CENPI: variants seen among roughly 807,000 people sequenced by gnomAD.
CENPI encodes FSH primary response 1.
Under a neutral mutation model 60.4 loss-of-function variants are expected in CENPI, and 4 were observed. The ratio of observed to expected loss-of-function variants is 0.07; its 90% confidence interval spans 0.03 to 0.15. CENPI has a LOEUF of 0.15. Ranked by LOEUF, CENPI falls within the 10% of genes least tolerant of loss-of-function variation. The pLI, the probability that CENPI is intolerant of heterozygous loss-of-function variation, is 1.00. For synonymous variants in CENPI, 157 were observed against 189.4 expected (o/e 0.83, Z 1.40); for missense variants, 444 against 534.5 (o/e 0.83, Z 1.67).
downstream of CENPI, among the ~76,000 whole-genome samples, chrX:101,169,093 T>TA (rs765023514): frequency 2.7e-4 from 30 of 111,863 alleles, 1 homozygote; most frequent in South Asian, 0.01. Context: ...AATATACACA[T>TA]ACACCATTTC....
chrX:101,173,876 T>A, the CENPI span, among the ~76,000 whole-genome samples: 2 of 110,069 alleles, frequency 1.8e-5, no homozygotes, highest in African/African-American at 6.6e-5. Context: ...ACGTCTAATA[T>A]CCAGAATCTA....
chrX:101,098,858 C>T (rs2089375510), intron 2 of CENPI: 1 of 110,909 alleles, frequency 9.0e-6, no homozygotes, highest in Admixed American at 9.7e-5. Context: ...TATTGCTCCC[C>T]TCTCTAACCT....
chrX:101,160,351 C>A (rs1261799493), intron 20 of CENPI, among the ~76,000 whole-genome samples: 1 of 108,595 alleles, frequency 9.2e-6, no homozygotes, highest in East Asian at 2.9e-4. Context: ...ATAATTGAGA[C>A]CCCAGCACCC....
chrX:101,174,088 AAAAC>A, the CENPI span, among the ~76,000 whole-genome samples: 20 of 112,324 alleles, frequency 1.8e-4, no homozygotes, highest in Admixed American at 1.9e-3. Context: ...AAAAAGTCGA[AAAAC>A]AATAGATGTT....
downstream of CENPI, among the ~76,000 whole-genome samples, chrX:101,169,669 T>C (rs1252824868): frequency 8.9e-6 from 1 of 111,920 alleles, no homozygotes; most frequent in African/African-American, 3.3e-5. Flanking sequence ...CTCAGGCAGG[T>C]CCTTCAGGAG....
chrX:101,128,363 T>A (rs2089758364), intron 11 of CENPI, among the ~76,000 whole-genome samples: 1 of 108,837 alleles, frequency 9.2e-6, no homozygotes, highest in South Asian at 4.1e-4. Flanking sequence ...CCGGGCTTGG[T>A]GGTGCATGCC....
chrX:101,154,995 T>G (rs770631187), intron 20 of CENPI, among the ~76,000 whole-genome samples: 11 of 111,620 alleles, frequency 9.9e-5, no homozygotes, highest in Non-Finnish European at 9.4e-5. Context: ...TATACAAGAT[T>G]ATGTCTTCTG....
intron 16 of CENPI, among the ~76,000 whole-genome samples, chrX:101,144,177 T>C (rs1387562581): frequency 1.0e-5 from 1 of 96,553 alleles, no homozygotes; most frequent in Non-Finnish European, 2.0e-5. Flanking sequence ...AACCTCCACC[T>C]CCTGAAGCAA....
intron 15 of CENPI, among the ~76,000 whole-genome samples, chrX:101,138,918 G>C (rs1467043283): frequency 9.4e-6 from 1 of 106,162 alleles, no homozygotes; most frequent in Admixed American, 1.0e-4. Flanking sequence ...GAGCCACTGT[G>C]CATGGCCAAG....
At chrX:101,139,466 TA>T (rs1053555506) in intron 15 of CENPI, among the ~76,000 whole-genome samples, 4 of 112,034 alleles carry the variant, frequency 3.6e-5, no homozygotes, top group African/African-American at 6.5e-5. Flanking sequence ...AATAAAATAT[TA>T]AAAAAAGATA....
intron 8 of CENPI, among the ~76,000 whole-genome samples, chrX:101,125,978 T>C (rs942915913): frequency 3.6e-5 from 4 of 111,411 alleles, no homozygotes; most frequent in Non-Finnish European, 5.6e-5. Context: ...ATAGATAAAC[T>C]GGGTCATTTT....
At chrX:101,117,773 C>A (rs766009494) in intron 6 of CENPI, among the ~76,000 whole-genome samples, 1 of 111,871 alleles carries the variant, frequency 8.9e-6, no homozygotes, top group African/African-American at 3.2e-5. Context: ...CTATTAAAGT[C>A]GTAAGTTCAA....
intron 11 of CENPI, among the ~76,000 whole-genome samples, chrX:101,128,040 A>G (rs1287739576): frequency 9.0e-6 from 1 of 111,680 alleles, no homozygotes; most frequent in Non-Finnish European, 1.9e-5. Context: ...TCTATTAAAA[A>G]ATACAAAAAT....
rs2090134140 is a variant in CENPI at position 101,164,241 on chromosome X, A to G, written c.*1274A>G. Among the ~76,000 whole-genome samples the G allele has an allele frequency of 9.0e-6, 1 of 111,376 alleles. No individual in the cohort carries two copies. Among genetic ancestry groups the G allele is most frequent in the Non-Finnish European group, 1.9e-5 (1 of 53,154 alleles). ...GTCCATTGACTCATTAATTGATTCA[A>G]TAAATATTTATTGAGCTCCTTTCTC... On this transcript the variant is annotated 3_prime_UTR_variant, in exon 22 of 22. Transcript: ENST00000682095.
In CENPI at chrX:101,145,037, T is replaced by C. The variant is rs774757888; in HGVS notation, c.1566-27T>C. 2.0e-4 allele frequency: 233 copies of C among 1,153,586 alleles called. 1 individual carries two copies. Among genetic ancestry groups the C allele is most frequent in the Non-Finnish European group, 2.6e-4 (219 of 854,213 alleles). On this transcript the variant is annotated intron_variant, in intron 16 of 21. Transcript: ENST00000682095. ...TTGTGAACACTATTGCTACTCTATA[T>C]CTGAATGTTATGGTTTCTTATTGCA... is the stretch of plus-strand genomic sequence containing the variant.
intron 21 of CENPI, among the ~76,000 whole-genome samples, chrX:101,161,992 G>A (rs1057296203): frequency 1.8e-5 from 2 of 109,774 alleles, no homozygotes; most frequent in African/African-American, 6.6e-5. Context: ...CCAGGCTGGA[G>A]TGCGGTGGTG....
In CENPI at chrX:101,146,286, C is replaced by A; in HGVS notation, c.1826+9C>A. ...TGTTTTATTATGCACAGGTACAAAG[C>A]CTTTTTACCATTTTATGAAACAGTG... On this transcript the variant is annotated intron_variant, in intron 18 of 21. Coordinates refer to ENST00000682095, the MANE Select transcript of CENPI (RefSeq NM_001386188.2). 8.4e-7 allele frequency: 1 copy of A among 1,190,822 alleles called. No individual in the cohort carries two copies. The highest frequency in any genetic ancestry group is 1.1e-6 in the Non-Finnish European group (1 of 883,764).
At chrX:101,137,007 G>T (rs1345363633) in intron 15 of CENPI, among the ~76,000 whole-genome samples, 1 of 110,671 alleles carries the variant, frequency 9.0e-6, no homozygotes, top group Non-Finnish European at 1.9e-5. Context: ...TGAACTCCTG[G>T]TCTCAAGGGA....
chrX:101,173,084 C>T, the CENPI span, among the ~76,000 whole-genome samples: 248 of 92,162 alleles, frequency 2.7e-3, no homozygotes, highest in African/African-American at 0.01. Flanking sequence ...GGTGCGATCT[C>T]GGCTCACTGC....
Sources: allele counts gnomAD v4.1 joint callset (sites outside exome capture counted in the v4.1 genomes callset), GRCh38; gene constraint gnomAD v4.1.1; transcripts MANE v1.5; gene names NCBI Gene and HGNC (gene_info 2026-07-23, HGNC 2026-07-21).